MYO5A: variants seen among roughly 807,000 people sequenced by gnomAD.
The protein encoded by MYO5A is unconventional myosin-Va.
A neutral mutation model predicts 249.7 loss-of-function variants in MYO5A; 98 were observed. The ratio of observed to expected loss-of-function variants is 0.39; its 90% CI spans 0.33 to 0.46. The LOEUF (loss-of-function observed/expected upper bound fraction) is 0.46. Ranked by LOEUF, MYO5A falls within the 20% of genes least tolerant of loss-of-function variation. The pLI is 0.98. For missense variants in MYO5A, 1,696 were observed against 2,308.8 expected, an observed-to-expected ratio of 0.73 and a Z score of 5.44; for synonymous variants, 778 against 810.6, an observed-to-expected ratio of 0.96 and a Z score of 0.68.
In MYO5A at chr15:52,323,545, T is replaced by C. The variant is rs2038433788; in HGVS notation, c.4711-101A>G. 29 of 775,422 alleles carry C rather than the reference T, an allele frequency of 3.7e-5. No individual in the cohort carries two copies. In the South Asian group the frequency reaches 4.0e-4, roughly 11 times the overall value. 48.0% of individuals were successfully genotyped at this position (775,422 alleles called of 1,614,324 possible). A position where few individuals can be genotyped will look rare whatever the true frequency, so the allele number is the denominator to read the frequency against. ...AAAGACCCATTTCTTTCAGTTACCA[T>C]TATAAACAATTATAAAAATAAATCA... is the stretch of plus-strand genomic sequence containing the variant. On this transcript the variant is annotated intron_variant, in intron 36 of 41. Transcript: ENST00000399233.
intron 1 of MYO5A, among the ~76,000 whole-genome samples, chr15:52,494,956 A>C (rs2077008667): frequency 6.6e-6 from 1 of 152,186 alleles, no homozygotes; most frequent in Non-Finnish European, 1.5e-5. Flanking sequence ...AATTCTCAAC[A>C]ATGTCCTATT....
At chr15:52,406,525 G>A (rs2043010655) in intron 8 of MYO5A, among the ~76,000 whole-genome samples, 1 of 152,152 alleles carries the variant, frequency 6.6e-6, no homozygotes, top group Non-Finnish European at 1.5e-5. Flanking sequence ...TTTCTAGCAA[G>A]GCCCACAATG....
chr15:52,495,686 AATAG>A (rs1368671057), intron 1 of MYO5A, among the ~76,000 whole-genome samples: 5 of 152,338 alleles, frequency 3.3e-5, no homozygotes, highest in African/African-American at 4.8e-5. Context: ...AAAATAAGTA[AATAG>A]ATAGATAAAT....
chr15:52,393,311 T>A (rs1656041047), intron 11 of MYO5A, among the ~76,000 whole-genome samples: 1 of 152,140 alleles, frequency 6.6e-6, no homozygotes, highest in African/African-American at 2.4e-5. Context: ...CAATGCATAC[T>A]CTCCTCATGT....
intron 38 of MYO5A, 65 bp downstream of exon 38, chr15:52,321,292 GGT>G: frequency 8.8e-6 from 14 of 1,594,764 alleles, no homozygotes; most frequent in Non-Finnish European, 1.2e-5. Flanking sequence ...ATGTGCCACT[GGT>G]GGCTACTTAT....
chr15:52,443,525 A>G (rs1446748174), intron 1 of MYO5A, among the ~76,000 whole-genome samples: 1 of 151,686 alleles, frequency 6.6e-6, no homozygotes, highest in Non-Finnish European at 1.5e-5. Context: ...AGCCTGGCCA[A>G]CATGGAGAAA....
chr15:52,329,512 T>C (rs1340735517), intron 35 of MYO5A, among the ~76,000 whole-genome samples: 1 of 152,248 alleles, frequency 6.6e-6, no homozygotes, highest in African/African-American at 2.4e-5. Context: ...TTAAAGGCAG[T>C]GTGCTGCCCT....
intron 1 of MYO5A, chr15:52,505,760 TAGTTG>T: frequency 6.6e-7 from 1 of 1,508,860 alleles, no homozygotes; most frequent in Non-Finnish European, 9.1e-7. Context: ...ATACAGTGTG[TAGTTG>T]AGGATGATAA....
chr15:52,476,302 G>T (rs895042237), intron 1 of MYO5A, among the ~76,000 whole-genome samples: 8 of 151,982 alleles, frequency 5.3e-5, no homozygotes, highest in Non-Finnish European at 1.0e-4. Flanking sequence ...ACGTGAGATG[G>T]GTCTCCTGAA....
chr15:52,354,711 G>A (rs956574060), intron 25 of MYO5A, among the ~76,000 whole-genome samples: 3 of 152,028 alleles, frequency 2.0e-5, no homozygotes, highest in East Asian at 1.9e-4. Flanking sequence ...AAAATTAGCC[G>A]GGCCTGGTGG....
At chr15:52,355,333 C>T (rs2040164865) in intron 25 of MYO5A, among the ~76,000 whole-genome samples, 1 of 152,262 alleles carries the variant, frequency 6.6e-6, no homozygotes, top group South Asian at 2.1e-4. Flanking sequence ...AAAAAACTCC[C>T]AAACAATAAA....
At chr15:52,526,456 G>A (rs2077732215) in intron 1 of MYO5A, among the ~76,000 whole-genome samples, 1 of 152,084 alleles carries the variant, frequency 6.6e-6, no homozygotes, top group Non-Finnish European at 1.5e-5. Flanking sequence ...CCGCCTTCCA[G>A]GTTCAAGTGA....
chr15:52,407,224 T>C, intron 8 of MYO5A, 68 bp downstream of exon 8: 1 of 1,134,168 alleles, frequency 8.8e-7, no homozygotes, highest in Non-Finnish European at 1.3e-6. Context: ...CAAGCCAATA[T>C]TCTAAACAAA....
At chr15:52,359,919 C>T in intron 25 of MYO5A, 49 bp downstream of exon 25, 1 of 1,325,000 alleles carries the variant, frequency 7.5e-7, no homozygotes, top group South Asian at 1.2e-5. Context: ...TCCTTGTTAA[C>T]AACAGCATGC....
intron 1 of MYO5A, among the ~76,000 whole-genome samples, chr15:52,484,010 T>C (rs1048351167): frequency 6.6e-6 from 1 of 152,138 alleles, no homozygotes; most frequent in Non-Finnish European, 1.5e-5. Context: ...CCCTGGGAAG[T>C]CAGTCAGAAC....
intron 1 of MYO5A, among the ~76,000 whole-genome samples, chr15:52,460,544 G>A (rs939451593): frequency 2.0e-5 from 3 of 152,206 alleles, no homozygotes; most frequent in African/African-American, 7.2e-5. Context: ...CACTCGGCAG[G>A]CTGAGGCAGG....
In MYO5A at chr15:52,470,468, A is replaced by C. The variant is rs539462796; in HGVS notation, c.28-37183T>G. ...GGAGTTCGAGAACACCCGGACCAACATGGAGAAACTCCGTCTCTACTAAAA... is the reference window on the plus strand; with the variant it reads ...GGAGTTCGAGAACACCCGGACCAACCTGGAGAAACTCCGTCTCTACTAAAA... On this transcript the variant is annotated intron_variant, in intron 1 of 41. Coordinates refer to ENST00000399233, the MANE Select transcript of MYO5A (RefSeq NM_001382347.1). Among the ~76,000 whole-genome samples, 3 of 152,154 alleles carry C rather than the reference A, an allele frequency of 2.0e-5. No individual in the cohort carries two copies. The East Asian group carries it at 5.8e-4, about 29-fold the overall frequency.
chr15:52,336,912 T>C (rs911771650), intron 33 of MYO5A, among the ~76,000 whole-genome samples: 3 of 152,158 alleles, frequency 2.0e-5, no homozygotes, highest in African/African-American at 4.8e-5. Context: ...AAAATAAATT[T>C]TGATGAATGC....
At chr15:52,376,657 T>C in intron 18 of MYO5A, 99 bp from the exon 19 acceptor site, 1 of 1,169,494 alleles carries the variant, frequency 8.6e-7, no homozygotes, top group Admixed American at 2.1e-5. Flanking sequence ...GGAATGACTC[T>C]ATTAGCTAAA....
Sources: allele counts gnomAD v4.1 joint callset (sites outside exome capture counted in the v4.1 genomes callset), GRCh38; gene constraint gnomAD v4.1.1; transcripts MANE v1.5; gene names NCBI Gene and HGNC (gene_info 2026-07-23, HGNC 2026-07-21).